Variants in CNNM2 observed in about 807,000 individuals in gnomAD.
CNNM2 encodes the protein cyclin and CBS domain divalent metal cation transport mediator 2, also known as metal transporter CNNM2.
In CNNM2, 12 loss-of-function variants were observed where a neutral mutation model predicts 66.9. That is an observed-to-expected ratio of 0.18 (90% CI 0.11 to 0.29). CNNM2 has a LOEUF of 0.29. Ranked by LOEUF, CNNM2 falls within the 10% of genes least tolerant of loss-of-function variation. The pLI is 1.00. For missense variants in CNNM2, 705 were observed against 1,167.7 expected, an observed-to-expected ratio of 0.60 and a Z score of 5.77; for synonymous variants, 557 against 501.8, an observed-to-expected ratio of 1.11 and a Z score of -1.47.
At chr10:103,028,366 G>A (rs538198744) in intron 1 of CNNM2, among the ~76,000 whole-genome samples, 7 of 152,020 alleles carry the variant, frequency 4.6e-5, no homozygotes, top group Admixed American at 2.6e-4. Context: ...TCAGAGTCTC[G>A]GTTTTCAGGT....
intron 1 of CNNM2, among the ~76,000 whole-genome samples, chr10:103,010,737 G>A (rs555206283): frequency 1.3e-5 from 2 of 151,612 alleles, no homozygotes; most frequent in East Asian, 1.9e-4. Context: ...CTCAGCGTCC[G>A]GAGTAGCTGG....
At chr10:102,988,174 C>T (rs563863676) in intron 1 of CNNM2, among the ~76,000 whole-genome samples, 8 of 151,766 alleles carry the variant, frequency 5.3e-5, no homozygotes, top group South Asian at 2.1e-4. Flanking sequence ...TGGTGGTGGG[C>T]GCCTGTAATC....
Position 102,987,638 on chromosome 10 carries a change from GA to G in CNNM2, c.1622-62068del, listed in dbSNP as rs570103935. Among the ~76,000 whole-genome samples the G allele has an allele frequency of 1.5e-3, 234 of 151,878 alleles. 1 individual carries two copies. The highest frequency in any genetic ancestry group is 5.4e-3 in the African/African-American group (223 of 41,466). The stretch of plus-strand genomic sequence containing the variant: ...GCCCGGCCAAGCTTATTTTTATATG[GA>G]TTTCATGATGTATATATTTTGTAAT... On this transcript the variant is annotated intron_variant, in intron 1 of 7. Coordinates refer to ENST00000369878, the MANE Select transcript of CNNM2 (RefSeq NM_017649.5).
At position 103,089,979 on chromosome 10, in the gene CNNM2, T is replaced by A. The variant is rs1013374449; in HGVS notation, c.*12799T>A. 1 of 1,268,276 alleles carries A rather than the reference T, an allele frequency of 7.9e-7. No individual in the cohort carries two copies. Among genetic ancestry groups the A allele is most frequent in the Non-Finnish European group, 1.1e-6 (1 of 920,058 alleles). 78.6% of individuals were successfully genotyped at this position (1,268,276 alleles called of 1,614,324 possible). On this transcript the variant is annotated 3_prime_UTR_variant, in exon 8 of 8. Coordinates refer to ENST00000369878, the MANE Select transcript of CNNM2 (RefSeq NM_017649.5). ...TAGCTACTCCCCAAATCCTAACCCC[T>A]CTCCTCTGTTAGGTGGCCATGCAAT...
chr10:103,031,794 A>G (rs1177580891), intron 1 of CNNM2, among the ~76,000 whole-genome samples: 1 of 151,226 alleles, frequency 6.6e-6, no homozygotes, highest in African/African-American at 2.4e-5. Context: ...TTAGGAACCT[A>G]TGGAATGGAA....
intron 4 of CNNM2, among the ~76,000 whole-genome samples, chr10:103,057,465 TAAAA>T (rs80025082): frequency 5.6e-5 from 8 of 141,670 alleles, no homozygotes; most frequent in African/African-American, 1.6e-4. Context: ...AACCCTGTTT[TAAAA>T]AAAAAAAAAA....
intron 1 of CNNM2, among the ~76,000 whole-genome samples, chr10:103,003,985 A>ATTTTTT (rs869152743): frequency 8.3e-5 from 7 of 83,998 alleles, no homozygotes; most frequent in African/African-American, 2.4e-4. Flanking sequence ...CATTGCATGA[A>ATTTTTT]TTTTTTTTTT....
Position 103,012,830 on chromosome 10 carries a change from A to G in CNNM2, c.1622-36877A>G, listed in dbSNP as rs78846012. Among the ~76,000 whole-genome samples the G allele has an allele frequency of 6.2e-3, 951 of 152,180 alleles. 62 individuals are homozygous for G. The East Asian group carries it at 0.14, about 22-fold the overall frequency. Reference sequence around the variant, plus strand: ...AGTACTGAACCCTTTCTTAGACCCTATCAGATCCAAAGATACTGAACATTC... The same window carrying G: ...AGTACTGAACCCTTTCTTAGACCCTGTCAGATCCAAAGATACTGAACATTC... On this transcript the variant is annotated intron_variant, in intron 1 of 7. Transcript: ENST00000369878.
intron 1 of CNNM2, among the ~76,000 whole-genome samples, chr10:102,983,746 C>G (rs2063753556): frequency 6.7e-6 from 1 of 148,568 alleles, no homozygotes; most frequent in Non-Finnish European, 1.5e-5. Context: ...TAGTTTGTTT[C>G]ATTTTACATA....
intron 1 of CNNM2, among the ~76,000 whole-genome samples, chr10:102,955,638 T>C (rs1271367328): frequency 6.6e-6 from 1 of 152,138 alleles, no homozygotes; most frequent in Non-Finnish European, 1.5e-5. Context: ...GACAAAGGGC[T>C]AATATCCAGA....
chr10:102,944,367 C>T (rs538313883), intron 1 of CNNM2, among the ~76,000 whole-genome samples: 6 of 152,278 alleles, frequency 3.9e-5, no homozygotes, highest in East Asian at 3.9e-4. Context: ...CGTGAGCCAT[C>T]GTGCCTGGCC....
intron 1 of CNNM2, among the ~76,000 whole-genome samples, chr10:102,972,701 T>G (rs1339205732): frequency 6.6e-6 from 1 of 152,152 alleles, no homozygotes; most frequent in East Asian, 1.9e-4. Flanking sequence ...GTAAAACAGA[T>G]TTCATTGCCT....
intron 1 of CNNM2, among the ~76,000 whole-genome samples, chr10:102,963,232 G>T (rs748013554): frequency 6.6e-6 from 1 of 152,148 alleles, no homozygotes; most frequent in Non-Finnish European, 1.5e-5. Context: ...TCCAAAAAGA[G>T]AAACCTTTTA....
chr10:103,047,228 T>C (rs1230025407), intron 1 of CNNM2, among the ~76,000 whole-genome samples: 1 of 152,226 alleles, frequency 6.6e-6, no homozygotes, highest in African/African-American at 2.4e-5. Context: ...AGTGATGTCA[T>C]ATAACCACTG....
chr10:103,007,333 C>G lies in CNNM2; in HGVS notation c.1622-42374C>G, dbSNP rs573617074. Among the ~76,000 whole-genome samples, 366 of 152,270 alleles carry G rather than the reference C, an allele frequency of 2.4e-3. 2 individuals carry two copies. Among genetic ancestry groups the G allele is most frequent in the African/African-American group, 8.3e-3 (344 of 41,544 alleles). On this transcript the variant is annotated intron_variant, in intron 1 of 7. Transcript: ENST00000369878. ...CTATGTTCAGTGGTACACATGTTGT[C>G]TTGAGAAACATCTTAACAGAAAACA...
chr10:103,045,325 A>G (rs922850876), intron 1 of CNNM2, among the ~76,000 whole-genome samples: 18 of 152,162 alleles, frequency 1.2e-4, no homozygotes, highest in Non-Finnish European at 4.4e-5. Flanking sequence ...AGATTGTAGG[A>G]TGCCTAATTG....
At position 102,953,319 on chromosome 10, in the gene CNNM2, C is replaced by T. The variant is rs10883806; in HGVS notation, c.1621+33218C>T. Among the ~76,000 whole-genome samples the T allele has an allele frequency of 0.091, 13,822 of 151,294 alleles. 848 individuals are homozygous for T. The highest frequency in any genetic ancestry group is 0.28 in the East Asian group (1,432 of 5,114). On this transcript the variant is annotated intron_variant, in intron 1 of 7. Coordinates refer to ENST00000369878, the MANE Select transcript of CNNM2 (RefSeq NM_017649.5). The stretch of plus-strand genomic sequence containing the variant: ...TCGCCCAGGCTGGAGTGCAGTGATG[C>T]GACCTCGGCTTGCTGCAACCTCTGC...
chr10:102,991,283 A>C (rs1028314888), intron 1 of CNNM2, among the ~76,000 whole-genome samples: 1 of 152,102 alleles, frequency 6.6e-6, no homozygotes, highest in Non-Finnish European at 1.5e-5. Flanking sequence ...TCGCCGCACC[A>C]GGCCAGAAAT....
At chr10:102,937,897 G>A (rs898608909) in intron 1 of CNNM2, among the ~76,000 whole-genome samples, 2 of 151,854 alleles carry the variant, frequency 1.3e-5, no homozygotes, top group African/African-American at 4.8e-5. Context: ...AGTGTTGGGA[G>A]TATAGGCATG....
Sources: gnomAD v4.1 joint callset for allele counts (sites outside exome capture counted in the v4.1 genomes callset) on GRCh38, gnomAD v4.1.1 for gene constraint, MANE v1.5 for transcripts, NCBI Gene and HGNC (gene_info 2026-07-23, HGNC 2026-07-21) for gene names.